The following USP35 variants were observed in gnomAD, a reference collection of about 807,000 sequenced individuals.
The protein encoded by USP35 is ubiquitin carboxyl-terminal hydrolase 35.
In USP35, 69 loss-of-function variants were observed where a neutral mutation model predicts 83.8. That is an observed-to-expected ratio of 0.82 (90% CI 0.68 to 1.01). USP35 has a LOEUF of 1.01. USP35 is among the 50% of genes least tolerant of loss of function. The pLI is 0.00. For synonymous variants in USP35, 714 were observed against 589.5 expected, an observed-to-expected ratio of 1.21 and a Z score of -3.06; for missense variants, 1,503 against 1,362.5, an observed-to-expected ratio of 1.10 and a Z score of -1.62.
Position 78,209,794 on chromosome 11 carries a change from T to C in USP35, c.1939T>C (p.Cys647Arg). 1 of 1,613,378 alleles carries C rather than the reference T, an allele frequency of 6.2e-7. No individual in the cohort carries two copies. The highest frequency in any genetic ancestry group is 1.1e-5 in the South Asian group (1 of 91,040). ...RVGPRRQRKH[C>R]ITEDTPPTSL... is the part of the protein sequence containing the mutation. ...GGGTCCTCGGAGGCAAAGGAAACAC[T>C]GCATCACAGAGGACACCCCCCCCAC... The change falls in exon 10 of 11, where the codon TGC (cysteine) becomes CGC (arginine). Residue 647 changes from cysteine (C) to arginine (R), a missense_variant. Cys to Arg is a radical substitution (Grantham distance 180). Coordinates refer to ENST00000529308, the MANE Select transcript of USP35 (RefSeq NM_020798.4).
At chr11:78,193,793 C>T (rs994584684) in intron 1 of USP35, among the ~76,000 whole-genome samples, 4 of 152,216 alleles carry the variant, frequency 2.6e-5, no homozygotes, top group South Asian at 2.1e-4. Flanking sequence ...TCATTTCCCT[C>T]ATTTCCTCAT....
Position 78,214,106 on chromosome 11 carries a change from C to T in USP35, c.*293C>T. 1 of 321,466 alleles carries T rather than the reference C, an allele frequency of 3.1e-6. No individual in the cohort carries two copies. The highest frequency in any genetic ancestry group is 8.4e-4 in the Middle Eastern group (1 of 1,188). 19.9% of individuals were successfully genotyped at this position (321,466 alleles called of 1,614,324 possible). ...CCCCCTCCTTCCCTAGCAGGCTCCCCATGCGGGAAGATCTGATGATGTTCA... is the reference window on the plus strand; with the variant it reads ...CCCCCTCCTTCCCTAGCAGGCTCCCTATGCGGGAAGATCTGATGATGTTCA... On this transcript the variant is annotated 3_prime_UTR_variant, in exon 11 of 11. Transcript: ENST00000529308.
At chr11:78,191,341 G>A (rs1400621001) in intron 1 of USP35, among the ~76,000 whole-genome samples, 4 of 152,244 alleles carry the variant, frequency 2.6e-5, no homozygotes, top group Non-Finnish European at 4.4e-5. Context: ...CTCACTGCGT[G>A]CCTTGGAGTG....
Position 78,209,747 on chromosome 11 carries a change from G to T in USP35, c.1892G>T (p.Ser631Ile). Residue 631 changes from serine to isoleucine, a missense_variant, in exon 10 of 11, where the codon AGT (serine) becomes ATT (isoleucine). Coordinates refer to ENST00000529308, the MANE Select transcript of USP35 (RefSeq NM_020798.4). ...GCCCGGGAGTTGCCCCCACCAACCA[G>T]TGCACAGGGGCCAGGCAGGGTGGGT... ...ITARELPPPT[S>I]AQGPGRVGPR... 8 of 1,614,050 alleles carry T rather than the reference G, an allele frequency of 5.0e-6. No individual in the cohort carries two copies. Among genetic ancestry groups the T allele is most frequent in the Non-Finnish European group, 5.9e-6 (7 of 1,179,988 alleles).
the USP35 span, chr11:78,222,337 G>C: frequency 6.3e-6 from 4 of 633,726 alleles, no homozygotes; most frequent in Admixed American, 9.3e-5. Context: ...GCTCAGCGAG[G>C]TTGTATAATC....
In USP35 at chr11:78,210,247, A is replaced by AT; in HGVS notation, c.2392_2393insT (p.Ser798MetfsTer29). The AT allele has an allele frequency of 2.5e-6, 4 of 1,613,962 alleles. No homozygotes were observed. The highest frequency in any genetic ancestry group is 1.3e-5 in the African/African-American group (1 of 74,988). ...GGATGCCGAGAAGGTGGTGGAGCTG[A>AT]GCCAAGGGCCGTGCTACCTCATCCT... On this transcript the variant is annotated frameshift_variant, in exon 10 of 11. Coordinates refer to ENST00000529308, the MANE Select transcript of USP35 (RefSeq NM_020798.4). LOFTEE classifies it high-confidence loss of function.
the USP35 span, among the ~76,000 whole-genome samples, chr11:78,226,223 C>T: frequency 6.6e-6 from 1 of 152,158 alleles, no homozygotes; most frequent in Non-Finnish European, 1.5e-5. Context: ...TCCTATTCTC[C>T]ATTAGTAGAA....
chr11:78,208,839 T>C lies in USP35; in HGVS notation c.1486-18T>C. 1 of 1,614,058 alleles carries C rather than the reference T, an allele frequency of 6.2e-7. No homozygotes were observed. The highest frequency in any genetic ancestry group is 1.3e-5 in the African/African-American group (1 of 75,058). On this transcript the variant is annotated intron_variant, in intron 8 of 10. Coordinates refer to ENST00000529308, the MANE Select transcript of USP35 (RefSeq NM_020798.4). The stretch of plus-strand genomic sequence containing the variant: ...GGCCTCCTGCTCCTGACCATGCCTT[T>C]CGCCTGCCTTGTCCTAGCGGCCTGC...
chr11:78,209,929 G>T lies in USP35; in HGVS notation c.2074G>T (p.Glu692Ter). ...GAAGGAGGAGAGAACGGAGAAGGAAGAAGTGGGGGAGGAGGAGGAAAGCAC... is the reference window on the plus strand; with the variant it reads ...GAAGGAGGAGAGAACGGAGAAGGAATAAGTGGGGGAGGAGGAGGAAAGCAC... ...EGKEERTEKE[E>*]VGEEEESTRG... The change falls in exon 10 of 11, where the codon GAA (glutamate) becomes TAA (stop). Residue 692 changes from glutamate to a stop codon, truncating the protein, a stop_gained. Coordinates refer to ENST00000529308, the MANE Select transcript of USP35 (RefSeq NM_020798.4). LOFTEE classifies it high-confidence loss of function. 6.2e-7 allele frequency: 1 copy of T among 1,604,366 alleles called. No homozygotes were observed. Among genetic ancestry groups the T allele is most frequent in the Non-Finnish European group, 8.5e-7 (1 of 1,175,042 alleles).
At position 78,188,962 on chromosome 11, in the gene USP35, G is replaced by A. The variant is rs967738337; in HGVS notation, c.-206G>A. The A allele has an allele frequency of 1.0e-6, 1 of 985,438 alleles. No homozygotes were observed. Among genetic ancestry groups the A allele is most frequent in the South Asian group, 4.7e-5 (1 of 21,290 alleles). The allele number at this position is 985,438 out of a possible 1,614,324, so 61.0% of individuals were successfully genotyped here. ...CAGAGTCGGGCTTCCTGGATACATAGAGGCTTGTGCCAGGCGGGGTGGGAA... is the reference window on the plus strand; with the variant it reads ...CAGAGTCGGGCTTCCTGGATACATAAAGGCTTGTGCCAGGCGGGGTGGGAA... On this transcript the variant is annotated 5_prime_UTR_variant, in exon 1 of 11. Coordinates refer to ENST00000529308, the MANE Select transcript of USP35 (RefSeq NM_020798.4).
chr11:78,228,223 G>A, the USP35 span, among the ~76,000 whole-genome samples: 9 of 152,308 alleles, frequency 5.9e-5, no homozygotes, highest in East Asian at 1.7e-3. Flanking sequence ...CTAGATTCCA[G>A]GTTCTCTGTA....
intron 1 of USP35, among the ~76,000 whole-genome samples, chr11:78,195,656 A>T (rs1412579277): frequency 6.6e-6 from 1 of 152,194 alleles, no homozygotes; most frequent in Non-Finnish European, 1.5e-5. Flanking sequence ...GGGAGAGAGA[A>T]GCAAAGGGGA....
Position 78,213,689 on chromosome 11 carries a change from C to A in USP35, c.2933C>A (p.Ala978Glu), listed in dbSNP as rs533017721. Reference sequence around the variant, plus strand: ...CGGAGCAGGGCGGCCTACATCTCTGCACTCCCCACATCTCCGCACTGGGGG... The same window carrying A: ...CGGAGCAGGGCGGCCTACATCTCTGAACTCCCCACATCTCCGCACTGGGGG... The part of the protein sequence containing the change: ...EARSRAAYIS[A>E]LPTSPHWGRG... The change falls in exon 11 of 11, where the codon GCA becomes GAA. Residue 978 changes from alanine to glutamate, a missense_variant. Transcript: ENST00000529308. The A allele has an allele frequency of 6.6e-7, 1 of 1,522,282 alleles. No individual in the cohort carries two copies. Among genetic ancestry groups the A allele is most frequent in the African/African-American group, 1.5e-5 (1 of 68,798 alleles). 94.3% of individuals were successfully genotyped at this position (1,522,282 alleles called of 1,614,324 possible). A position where few individuals can be genotyped will look rare whatever the true frequency, so the allele number is the denominator to read the frequency against.
the USP35 span, among the ~76,000 whole-genome samples, chr11:78,233,153 C>A: frequency 6.6e-6 from 1 of 151,482 alleles, no homozygotes; most frequent in East Asian, 2.0e-4. Context: ...CATCCTCCCA[C>A]CTCAGTCTTC....
chr11:78,199,212 G>A (rs1863259980), intron 3 of USP35: 1 of 241,532 alleles, frequency 4.1e-6, no homozygotes, highest in East Asian at 9.4e-5. Context: ...GAGGCCCAGA[G>A]CGGGGAAGTG....
At chr11:78,230,788 C>T in the USP35 span, among the ~76,000 whole-genome samples, 5 of 152,244 alleles carry the variant, frequency 3.3e-5, no homozygotes, top group South Asian at 2.1e-4. Context: ...TCTCTGGGTG[C>T]CCCCACTGCG....
chr11:78,220,182 G>T, downstream of USP35: 1 of 814,902 alleles, frequency 1.2e-6, no homozygotes, highest in Non-Finnish European at 2.0e-6. Context: ...GACTAAAGAT[G>T]CATCATAAAA....
the USP35 span, chr11:78,221,645 G>A: frequency 7.2e-7 from 1 of 1,398,192 alleles, no homozygotes. Context: ...GGACTTGAAA[G>A]GCGTCATTCC....
In USP35 at chr11:78,214,377, T is replaced by TAGG. The variant is rs139748612; in HGVS notation, c.*564_*565insAGG. ...CCTTACCAAGCGCCACTGCATGGTTTTGGGGGGGGGGGCGGGGGGCTAGCT... is the reference window on the plus strand; with the variant it reads ...CCTTACCAAGCGCCACTGCATGGTTTAGGTGGGGGGGGGGGCGGGGGGCTAGCT... On this transcript the variant is annotated 3_prime_UTR_variant, in exon 11 of 11. Coordinates refer to ENST00000529308, the MANE Select transcript of USP35 (RefSeq NM_020798.4). 1.9e-5 allele frequency: 1 copy of TAGG among 52,888 alleles called. No individual in the cohort carries two copies. Among genetic ancestry groups the TAGG allele is most frequent in the Non-Finnish European group, 4.5e-5 (1 of 22,408 alleles). 3.3% of individuals were successfully genotyped at this position (52,888 alleles called of 1,614,324 possible). A position where few individuals can be genotyped will look rare whatever the true frequency, so the allele number is the denominator to read the frequency against.
Sources: allele counts gnomAD v4.1 joint callset (sites outside exome capture counted in the v4.1 genomes callset), GRCh38; gene constraint gnomAD v4.1.1; transcripts MANE v1.5; gene names NCBI Gene and HGNC (gene_info 2026-07-23, HGNC 2026-07-21).